Variants in KHDRBS2 observed in about 807,000 individuals in gnomAD.
KHDRBS2 encodes the protein KH RNA binding domain containing, signal transduction associated 2, also known as KH domain-containing, RNA-binding, signal transduction-associated protein 2.
KHDRBS2 carries 26 observed loss-of-function variants against 44.3 expected under a neutral mutation model. The ratio of observed to expected loss-of-function variants is 0.59; its 90% CI spans 0.43 to 0.81. The LOEUF is 0.81. Among genes scored for constraint, KHDRBS2 ranks in the 40% least tolerant of loss-of-function variants. The probability of loss-of-function intolerance (pLI) is 0.00; values close to 1 mark genes in which losing one functional copy is unlikely to be tolerated. For missense variants in KHDRBS2, 476 were observed against 433.1 expected, an observed-to-expected ratio of 1.10 and a Z score of -0.88; for synonymous variants, 194 against 151.1, an observed-to-expected ratio of 1.28 and a Z score of -2.08.
chr6:62,095,747 G>T (rs1800453659), intron 2 of KHDRBS2, among the ~76,000 whole-genome samples: 1 of 151,752 alleles, frequency 6.6e-6, no homozygotes, highest in Non-Finnish European at 1.5e-5. Context: ...AGAACTTCCA[G>T]TACTATGATG....
intron 6 of KHDRBS2, among the ~76,000 whole-genome samples, chr6:61,858,841 T>G (rs1053017729): frequency 6.6e-6 from 1 of 151,976 alleles, no homozygotes; most frequent in African/African-American, 2.4e-5. Context: ...AGTCGTATAT[T>G]GGCCAGATTA....
At chr6:61,720,140 G>T (rs953268251) in intron 7 of KHDRBS2, among the ~76,000 whole-genome samples, 1 of 152,186 alleles carries the variant, frequency 6.6e-6, no homozygotes, top group Non-Finnish European at 1.5e-5. Context: ...GTATTTCAAG[G>T]TGTATATGTG....
At chr6:61,558,055 T>A in the KHDRBS2 span, among the ~76,000 whole-genome samples, 1 of 152,120 alleles carries the variant, frequency 6.6e-6, no homozygotes, top group Non-Finnish European at 1.5e-5. Flanking sequence ...TTATCAAATT[T>A]TTAATCTTTT....
intron 8 of KHDRBS2, among the ~76,000 whole-genome samples, chr6:61,682,184 AATTTCAATTGTACTCAT>A (rs1766378957): frequency 6.6e-6 from 1 of 151,932 alleles, no homozygotes; most frequent in Non-Finnish European, 1.5e-5. Flanking sequence ...AAGCATAAAA[AATTTCAATTGTACTCAT>A]TATAATATAG....
chr6:61,732,459 T>TGA (rs1774636713), intron 7 of KHDRBS2, among the ~76,000 whole-genome samples: 1 of 152,182 alleles, frequency 6.6e-6, no homozygotes, highest in African/African-American at 2.4e-5. Flanking sequence ...GTTGCCATAA[T>TGA]CATCTAGTCT....
chr6:61,653,366 A>G, the KHDRBS2 span, among the ~76,000 whole-genome samples: 1 of 152,136 alleles, frequency 6.6e-6, no homozygotes, highest in Non-Finnish European at 1.5e-5. Context: ...CAAGTCTGTT[A>G]CATGTTTGTT....
the KHDRBS2 span, among the ~76,000 whole-genome samples, chr6:61,604,981 C>T: frequency 2.6e-5 from 4 of 152,084 alleles, no homozygotes; most frequent in African/African-American, 9.7e-5. Flanking sequence ...TCAGTGGAAC[C>T]TTCATACTCC....
At chr6:62,088,158 G>A (rs1466180728) in intron 2 of KHDRBS2, among the ~76,000 whole-genome samples, 1 of 152,046 alleles carries the variant, frequency 6.6e-6, no homozygotes, top group Non-Finnish European at 1.5e-5. Flanking sequence ...TTGCTTGGAG[G>A]AATTTGTTAT....
At chr6:61,562,472 G>A in the KHDRBS2 span, among the ~76,000 whole-genome samples, 4 of 152,208 alleles carry the variant, frequency 2.6e-5, no homozygotes, top group Non-Finnish European at 5.9e-5. Flanking sequence ...TTGAAAAGAA[G>A]GGAAGAGGTT....
intron 6 of KHDRBS2, among the ~76,000 whole-genome samples, chr6:61,773,158 T>C (rs1016926280): frequency 4.0e-5 from 6 of 151,898 alleles, no homozygotes; most frequent in African/African-American, 9.7e-5. Context: ...ATATACCCAG[T>C]AATGGGATGG....
At chr6:62,239,009 T>A (rs186317273) in intron 1 of KHDRBS2, among the ~76,000 whole-genome samples, 29 of 152,282 alleles carry the variant, frequency 1.9e-4, no homozygotes, top group Non-Finnish European at 3.2e-4. Context: ...TTCAATGTTA[T>A]GAAAGACAAA....
chr6:61,725,474 A>C (rs1300690189), intron 7 of KHDRBS2, among the ~76,000 whole-genome samples: 1 of 152,168 alleles, frequency 6.6e-6, no homozygotes, highest in African/African-American at 2.4e-5. Flanking sequence ...TAGAGACATG[A>C]AAATCCTTTC....
the KHDRBS2 span, among the ~76,000 whole-genome samples, chr6:61,545,227 C>T: frequency 1.3e-5 from 2 of 151,962 alleles, no homozygotes; most frequent in Admixed American, 6.6e-5. Context: ...GGGAGGACCA[C>T]TTGAGGCCAG....
chr6:62,117,996 G>C (rs1806684819), intron 2 of KHDRBS2, among the ~76,000 whole-genome samples: 1 of 152,102 alleles, frequency 6.6e-6, no homozygotes, highest in Non-Finnish European at 1.5e-5. Flanking sequence ...CGCTGGTCTT[G>C]AACTCCTTAC....
chr6:61,565,956 TA>T, the KHDRBS2 span, among the ~76,000 whole-genome samples: 6 of 151,748 alleles, frequency 4.0e-5, no homozygotes, highest in African/African-American at 7.3e-5. Context: ...ATATTTGAAA[TA>T]AATCTGTGTC....
At chr6:61,666,609 G>C in the KHDRBS2 span, among the ~76,000 whole-genome samples, 1 of 151,384 alleles carries the variant, frequency 6.6e-6, no homozygotes, top group African/African-American at 2.4e-5. Context: ...CTGACCACAG[G>C]AATGAAAATT....
intron 6 of KHDRBS2, among the ~76,000 whole-genome samples, chr6:61,752,671 CAAAAAAA>C (rs56410130): frequency 1.8e-5 from 2 of 111,336 alleles, no homozygotes; most frequent in African/African-American, 6.5e-5. Flanking sequence ...TTGTGGTATA[CAAAAAAA>C]AAAAAAAAAA....
chr6:61,595,965 C>T, the KHDRBS2 span, among the ~76,000 whole-genome samples: 5 of 152,060 alleles, frequency 3.3e-5, no homozygotes, highest in Non-Finnish European at 7.4e-5. Context: ...TTTCAAGTAC[C>T]CACAAAAGGC....
intron 1 of KHDRBS2, among the ~76,000 whole-genome samples, chr6:62,194,401 T>C (rs1280288510): frequency 4.6e-5 from 7 of 151,370 alleles, no homozygotes; most frequent in Non-Finnish European, 7.4e-5. Context: ...GGTCTATTTC[T>C]GGACTTTCTA....
Sources: allele counts gnomAD v4.1 joint callset (sites outside exome capture counted in the v4.1 genomes callset), GRCh38; gene constraint gnomAD v4.1.1; transcripts MANE v1.5; gene names NCBI Gene and HGNC (gene_info 2026-07-23, HGNC 2026-07-21).